FGF12: variants seen among roughly 807,000 people sequenced by gnomAD.
The protein encoded by FGF12 is fibroblast growth factor 12B.
A neutral mutation model predicts 23.6 loss-of-function variants in FGF12; 14 were observed. The observed-to-expected ratio is 0.59, with a 90% CI of 0.39 to 0.93. The LOEUF (loss-of-function observed/expected upper bound fraction) is 0.93, where lower values mean the gene tolerates loss of function less well. Among genes scored for constraint, FGF12 ranks in the 40% least tolerant of loss-of-function variants. The pLI is 0.00. For synonymous variants in FGF12, 62 were observed against 77.3 expected, an observed-to-expected ratio of 0.80 and a Z score of 1.04; for missense variants, 175 against 217.8, an observed-to-expected ratio of 0.80 and a Z score of 1.24.
chr3:192,312,746 CAAA>C (rs59639014), intron 4 of FGF12, among the ~76,000 whole-genome samples: 4 of 129,344 alleles, frequency 3.1e-5, no homozygotes, highest in African/African-American at 5.3e-5. Flanking sequence ...GACTCGGTCT[CAAA>C]AAAAAAAAAA....
chr3:192,649,157 T>C (rs1716117529), intron 2 of FGF12, among the ~76,000 whole-genome samples: 1 of 152,186 alleles, frequency 6.6e-6, no homozygotes, highest in Non-Finnish European at 1.5e-5. Context: ...TGATATGATT[T>C]AACTGATAGT....
intron 2 of FGF12, among the ~76,000 whole-genome samples, chr3:192,590,204 T>C (rs982967328): frequency 3.3e-5 from 5 of 151,876 alleles, no homozygotes; most frequent in South Asian, 2.1e-4. Flanking sequence ...GACACCATAG[T>C]GATTCATTCT....
chr3:192,425,597 G>T (rs568736140), intron 2 of FGF12, among the ~76,000 whole-genome samples: 11 of 152,132 alleles, frequency 7.2e-5, no homozygotes, highest in Non-Finnish European at 1.2e-4. Context: ...TGAATGAACA[G>T]TGTTTGGAGA....
chr3:192,678,751 T>C (rs901561661), intron 2 of FGF12, among the ~76,000 whole-genome samples: 6 of 152,190 alleles, frequency 3.9e-5, no homozygotes, highest in African/African-American at 1.4e-4. Flanking sequence ...GGTCAGTGCA[T>C]GGCGGTAAAG....
chr3:192,601,088 A>G (rs1327006296), intron 2 of FGF12, among the ~76,000 whole-genome samples: 1 of 152,160 alleles, frequency 6.6e-6, no homozygotes, highest in African/African-American at 2.4e-5. Flanking sequence ...AACATATGAT[A>G]TAAATACACA....
intron 2 of FGF12, among the ~76,000 whole-genome samples, chr3:192,664,861 C>A (rs1267196471): frequency 1.3e-5 from 2 of 152,158 alleles, no homozygotes; most frequent in Admixed American, 1.3e-4. Flanking sequence ...GAATCCAGTA[C>A]AAATTGACGT....
At chr3:192,419,827 A>G (rs1348533425) in intron 2 of FGF12, among the ~76,000 whole-genome samples, 2 of 152,198 alleles carry the variant, frequency 1.3e-5, no homozygotes, top group Non-Finnish European at 2.9e-5. Context: ...TAACCCGGAA[A>G]GAAAGCACAG....
chr3:192,247,947 G>T (rs1711736928), intron 4 of FGF12, among the ~76,000 whole-genome samples: 1 of 152,112 alleles, frequency 6.6e-6, no homozygotes, highest in South Asian at 2.1e-4. Flanking sequence ...TTAAATTGGG[G>T]CCCACATACT....
intron 4 of FGF12, among the ~76,000 whole-genome samples, chr3:192,279,961 G>A (rs990830988): frequency 6.6e-6 from 1 of 152,142 alleles, no homozygotes; most frequent in African/African-American, 2.4e-5. Flanking sequence ...CTGCAGGGCT[G>A]ATGAAATATT....
At chr3:192,516,611 G>C (rs563579295) in intron 2 of FGF12, 3 of 152,340 alleles carry the variant, frequency 2.0e-5, no homozygotes, top group Admixed American at 2.0e-4. Flanking sequence ...GGCCGCTTGA[G>C]TTTACAGCCA....
intron 4 of FGF12, chr3:192,244,721 A>T (rs767436784): frequency 2.0e-5 from 3 of 152,216 alleles, no homozygotes; most frequent in Non-Finnish European, 2.9e-5. Flanking sequence ...CTGAAAGAAG[A>T]TATGCACAGT....
intron 2 of FGF12, 121 bp downstream of exon 2, chr3:192,727,060 T>C (rs1015259377): frequency 5.6e-6 from 7 of 1,253,054 alleles, no homozygotes; most frequent in South Asian, 2.6e-5. Flanking sequence ...GGACATAGCA[T>C]CTCCTCCTCT....
rs1392028402 is a variant in FGF12, at chr3:192,409,692, G to T, written c.14-49154C>A. ...TCGCGGCGGCTGAGGCTCCTGGCCG[G>T]AGCTGCCCACCATGGTCTGGCGCCA... On this transcript the variant is annotated intron_variant, in intron 2 of 5. Transcript: ENST00000445105. This position sits in a 1 kb window ranked among gnomAD's most constrained non-coding sequence, Gnocchi z 4.8. 3.3e-5 allele frequency among the ~76,000 whole-genome samples: 5 copies of T among 152,186 alleles called. No homozygotes were observed. Among genetic ancestry groups the T allele is most frequent in the African/African-American group, 1.2e-4 (5 of 41,464 alleles).
chr3:192,548,493 C>T (rs1725552103), intron 2 of FGF12, among the ~76,000 whole-genome samples: 2 of 152,154 alleles, frequency 1.3e-5, no homozygotes, highest in Non-Finnish European at 2.9e-5. Flanking sequence ...AGCCTTTTCA[C>T]TTCTAAATCC....
chr3:192,358,641 A>T (rs1718583998), intron 3 of FGF12, among the ~76,000 whole-genome samples: 1 of 152,106 alleles, frequency 6.6e-6, no homozygotes. Context: ...TCCTAGAAAG[A>T]GTGAAGGAAG....
At chr3:192,596,148 C>T (rs1233724303) in intron 2 of FGF12, among the ~76,000 whole-genome samples, 1 of 68,986 alleles carries the variant, frequency 1.4e-5, no homozygotes, top group Non-Finnish European at 3.2e-5. Flanking sequence ...ATAATATACT[C>T]TTAAAATGTG....
chr3:192,170,679 C>T, intron 4 of FGF12, 23 bp from the exon 5 acceptor site: 4 of 1,517,346 alleles, frequency 2.6e-6, no homozygotes, highest in Non-Finnish European at 3.6e-6. Context: ...AAAAAAAAGA[C>T]ACAAAAAAGA....
rs142994433 is a variant in FGF12 at position 192,337,455 on chromosome 3, A to G, written c.125-1991T>C. On this transcript the variant is annotated intron_variant, in intron 3 of 5. Coordinates refer to ENST00000445105, the MANE Select transcript of FGF12 (RefSeq NM_004113.6). ...TTATATTGGGGGGAAATGAGAAAGA[A>G]CAGCATGTAAATAAAATAAGGATAA... Among the ~76,000 whole-genome samples, 50 of 152,272 alleles carry G rather than the reference A, an allele frequency of 3.3e-4. 1 individual carries two copies. In the East Asian group the frequency reaches 9.1e-3, roughly 28 times the overall value.
At chr3:192,218,362 T>C (rs1424480405) in intron 4 of FGF12, among the ~76,000 whole-genome samples, 1 of 152,174 alleles carries the variant, frequency 6.6e-6, no homozygotes, top group Non-Finnish European at 1.5e-5. Context: ...TGTCTAATTG[T>C]TATCCCCAAT....
Sources: gnomAD v4.1 joint callset for allele counts (sites outside exome capture counted in the v4.1 genomes callset) on GRCh38, gnomAD v4.1.1 for gene constraint, Gnocchi (gnomAD v3.1) non-coding constraint, MANE v1.5 for transcripts, NCBI Gene and HGNC (gene_info 2026-07-23, HGNC 2026-07-21) for gene names.